LRRC37A2: variants seen among roughly 807,000 people sequenced by gnomAD.
LRRC37A2 encodes leucine rich repeat containing 37 member A2.
Under a neutral mutation model 68.8 loss-of-function variants are expected in LRRC37A2, and 9 were observed. The observed-to-expected ratio is 0.13, with a 90% confidence interval of 0.08 to 0.23. LRRC37A2 has a LOEUF of 0.23. LRRC37A2 is among the 10% of genes least tolerant of loss of function. The pLI is 1.00. For missense variants in LRRC37A2, 168 were observed against 950.4 expected, an observed-to-expected ratio of 0.18 and a Z score of 10.82; for synonymous variants, 63 against 367.6, an observed-to-expected ratio of 0.17 and a Z score of 9.48.
chr17:46,945,629 C>T, the LRRC37A2 span, among the ~76,000 whole-genome samples: 5 of 152,148 alleles, frequency 3.3e-5, no homozygotes, highest in African/African-American at 1.2e-4. Context: ...AGCAGTTCTC[C>T]CTTCTTTCCA....
the LRRC37A2 span, among the ~76,000 whole-genome samples, chr17:46,493,363 A>G: frequency 4.1e-5 from 5 of 121,140 alleles, no homozygotes; most frequent in Admixed American, 4.1e-4. Flanking sequence ...GGGTTTTGAT[A>G]TGTTGCCCAG....
chr17:46,961,316 T>G, the LRRC37A2 span, among the ~76,000 whole-genome samples: 10 of 152,128 alleles, frequency 6.6e-5, no homozygotes, highest in Non-Finnish European at 1.3e-4. Flanking sequence ...GGCAGGAGGA[T>G]CTCTTGAGGC....
the LRRC37A2 span, among the ~76,000 whole-genome samples, chr17:46,839,967 TC>T: frequency 6.8e-5 from 10 of 147,638 alleles, no homozygotes; most frequent in Non-Finnish European, 1.1e-4. Flanking sequence ...TTTCTTTCTT[TC>T]TTTCTTTCTC....
chr17:46,807,348 G>C, the LRRC37A2 span, among the ~76,000 whole-genome samples: 1 of 152,200 alleles, frequency 6.6e-6, no homozygotes, highest in African/African-American at 2.4e-5. Context: ...TGGGTGTGGT[G>C]GCGCATGCCT....
At chr17:46,714,269 A>AC in the LRRC37A2 span, among the ~76,000 whole-genome samples, 1 of 152,234 alleles carries the variant, frequency 6.6e-6, no homozygotes, top group South Asian at 2.1e-4. Flanking sequence ...AAAGAGTTAT[A>AC]GTTGAAAGTG....
At chr17:46,923,444 C>T in the LRRC37A2 span, 10 of 1,415,342 alleles carry the variant, frequency 7.1e-6, no homozygotes, top group African/African-American at 2.9e-5. Context: ...CAGATGACTC[C>T]TGGGGTCTGC....
At chr17:46,802,935 AG>A in the LRRC37A2 span, among the ~76,000 whole-genome samples, 1 of 152,226 alleles carries the variant, frequency 6.6e-6, no homozygotes, top group Non-Finnish European at 1.5e-5. Flanking sequence ...AGGAAGTCAC[AG>A]GAACCCTGAT....
At chr17:46,575,479 G>T in the LRRC37A2 span, among the ~76,000 whole-genome samples, 1 of 146,818 alleles carries the variant, frequency 6.8e-6, no homozygotes, top group Non-Finnish European at 1.5e-5. Flanking sequence ...AACAGAGGCT[G>T]ACTGAGGAGG....
the LRRC37A2 span, among the ~76,000 whole-genome samples, chr17:46,900,202 T>TACATATATATATACACACACACAC: frequency 4.0e-5 from 4 of 101,170 alleles, no homozygotes; most frequent in African/African-American, 1.0e-4. Flanking sequence ...TATATATATA[T>TACATATATATATACACACACACAC]ACACACACAC....
chr17:46,574,172 CTTAAAG>C, the LRRC37A2 span, among the ~76,000 whole-genome samples: 1 of 39,874 alleles, frequency 2.5e-5, no homozygotes, highest in African/African-American at 9.5e-5. Context: ...GCTATTTAAA[CTTAAAG>C]TTAAAATCAA....
the LRRC37A2 span, chr17:46,728,789 A>G: frequency 8.4e-7 from 1 of 1,192,382 alleles, no homozygotes; most frequent in Non-Finnish European, 1.2e-6. Flanking sequence ...AAAAAAACAA[A>G]AACTGAATGT....
At chr17:46,949,676 A>G in the LRRC37A2 span, among the ~76,000 whole-genome samples, 1 of 152,236 alleles carries the variant, frequency 6.6e-6, no homozygotes. Flanking sequence ...CAAGGTGCTT[A>G]GGGCCATGGC....
chr17:46,676,277 G>T, the LRRC37A2 span, among the ~76,000 whole-genome samples: 88,987 of 137,216 alleles, frequency 0.65, 30,457 homozygotes, highest in South Asian at 0.81. Context: ...TTGTTGCCCA[G>T]GCTGGAGTGC....
chr17:46,756,584 C>T, the LRRC37A2 span: 1 of 152,564 alleles, frequency 6.6e-6, no homozygotes, highest in Non-Finnish European at 1.5e-5. Flanking sequence ...AAAAAGCATA[C>T]ACCCCCAAAC....
chr17:46,996,441 G>A, the LRRC37A2 span, among the ~76,000 whole-genome samples: 1 of 152,172 alleles, frequency 6.6e-6, no homozygotes, highest in African/African-American at 2.4e-5. Flanking sequence ...CCCATGACCT[G>A]GGTTATGTGT....
At chr17:46,956,190 A>G in the LRRC37A2 span, among the ~76,000 whole-genome samples, 1 of 152,098 alleles carries the variant, frequency 6.6e-6, no homozygotes, top group Non-Finnish European at 1.5e-5. Context: ...GTTATTCAAC[A>G]ACACTTGCAA....
the LRRC37A2 span, among the ~76,000 whole-genome samples, chr17:46,995,329 T>C: frequency 6.6e-6 from 1 of 152,226 alleles, no homozygotes; most frequent in African/African-American, 2.4e-5. Flanking sequence ...GGTTGACCTC[T>C]GCCTTGTGTC....
the LRRC37A2 span, among the ~76,000 whole-genome samples, chr17:46,733,888 C>T: frequency 3.3e-5 from 5 of 152,274 alleles, no homozygotes; most frequent in African/African-American, 4.8e-5. Flanking sequence ...GTAACTTCCT[C>T]GCTGCTCTGA....
the LRRC37A2 span, among the ~76,000 whole-genome samples, chr17:46,821,910 G>A: frequency 1.3e-5 from 2 of 152,228 alleles, no homozygotes; most frequent in South Asian, 4.1e-4. Context: ...GCCCCCGCCC[G>A]CCCTCATGGG....
Sources: allele counts gnomAD v4.1 joint callset (sites outside exome capture counted in the v4.1 genomes callset), GRCh38; gene constraint gnomAD v4.1.1; transcripts MANE v1.5; gene names NCBI Gene and HGNC (gene_info 2026-07-23, HGNC 2026-07-21).